DLGAP5: variants seen among roughly 807,000 people sequenced by gnomAD.
The protein encoded by DLGAP5 is disks large-associated protein 5.
Under a neutral mutation model 99.6 loss-of-function variants are expected in DLGAP5, and 90 were observed. The ratio of observed to expected loss-of-function variants is 0.90; its 90% CI spans 0.76 to 1.08. The LOEUF (loss-of-function observed/expected upper bound fraction) is 1.08, where lower values mean the gene tolerates loss of function less well. DLGAP5 is among the 50% of genes least tolerant of loss of function. DLGAP5 has a pLI of 0.00. For missense variants in DLGAP5, 1,036 were observed against 983.5 expected (o/e 1.05, Z -0.71); for synonymous variants, 311 against 321.3 (o/e 0.97, Z 0.34).
chr14:55,187,057 C>T (rs867861881), intron 2 of DLGAP5, among the ~76,000 whole-genome samples: 10 of 151,710 alleles, frequency 6.6e-5, no homozygotes, highest in Admixed American at 2.6e-4. Context: ...TACAGGCACG[C>T]GCCACACCCA....
At chr14:55,164,036 G>A (rs1293266429) in intron 12 of DLGAP5, among the ~76,000 whole-genome samples, 1 of 152,154 alleles carries the variant, frequency 6.6e-6, no homozygotes, top group African/African-American at 2.4e-5. Context: ...TAATAGGATG[G>A]AAATATAATC....
intron 14 of DLGAP5, among the ~76,000 whole-genome samples, chr14:55,157,970 C>T (rs924065417): frequency 2.6e-5 from 4 of 152,204 alleles, no homozygotes; most frequent in Admixed American, 2.6e-4. Flanking sequence ...ACTAAATTGC[C>T]CAGGCTGGTC....
At chr14:55,149,147 TATAAG>T (rs1881924214) in intron 18 of DLGAP5, among the ~76,000 whole-genome samples, 1 of 152,240 alleles carries the variant, frequency 6.6e-6, no homozygotes, top group Non-Finnish European at 1.5e-5. Context: ...AATGAGAACA[TATAAG>T]ATAATTGTGA....
intron 14 of DLGAP5, among the ~76,000 whole-genome samples, 191 bp downstream of exon 14, chr14:55,158,331 C>T (rs1324070085): frequency 6.6e-6 from 1 of 152,162 alleles, no homozygotes; most frequent in Non-Finnish European, 1.5e-5. Flanking sequence ...CTAATCTGAT[C>T]ATACCCATCA....
rs1224642395 is a variant in DLGAP5, at chr14:55,177,194, G to T, written c.917C>A (p.Ser306Tyr). The T allele has an allele frequency of 6.2e-7, 1 of 1,613,560 alleles. No homozygotes were observed. The highest frequency in any genetic ancestry group is 1.3e-5 in the African/African-American group (1 of 74,842). Reference protein sequence around the residue: ...INTAKIKGKNSFAPKDFMFQP... With the variant: ...INTAKIKGKNYFAPKDFMFQP... ...AAACATAAAATCCTTAGGTGCAAAG[G>T]AATTCTTCCCTTTTATTTTTGCAGT... Residue 306 changes from serine (S) to tyrosine (Y), a missense_variant, in exon 8 of 19, where the codon TCC (serine) becomes TAC (tyrosine). By Grantham distance (144) the Ser-to-Tyr change is moderately radical. Coordinates refer to ENST00000247191, the MANE Select transcript of DLGAP5 (RefSeq NM_014750.5).
At chr14:55,190,318 A>T (rs1376105031) in intron 1 of DLGAP5, among the ~76,000 whole-genome samples, 1 of 151,854 alleles carries the variant, frequency 6.6e-6, no homozygotes, top group Non-Finnish European at 1.5e-5. Context: ...ACACACACGC[A>T]CAAAATCATA....
intron 13 of DLGAP5, among the ~76,000 whole-genome samples, chr14:55,162,291 CTATTAT>C (rs1194583006): frequency 6.6e-6 from 1 of 152,098 alleles, no homozygotes; most frequent in East Asian, 1.9e-4. Context: ...ACTACTATTA[CTATTAT>C]AACAAAATGT....
At position 55,177,189 on chromosome 14, in the gene DLGAP5, C is replaced by A; in HGVS notation, c.922G>T (p.Ala308Ser). The A allele has an allele frequency of 6.2e-7, 1 of 1,613,570 alleles. No individual in the cohort carries two copies. Among genetic ancestry groups the A allele is most frequent in the African/African-American group, 1.3e-5 (1 of 74,912 alleles). ...GGCTGAAACATAAAATCCTTAGGTG[C>A]AAAGGAATTCTTCCCTTTTATTTTT... ...TAKIKGKNSF[A>S]PKDFMFQPLD... The change falls in exon 8 of 19, where the codon GCA becomes TCA. Residue 308 changes from alanine to serine, a missense_variant. Transcript: ENST00000247191.
At chr14:55,180,867 A>G (rs1883248871) in intron 5 of DLGAP5, 89 bp from the exon 6 acceptor site, 9 of 1,507,266 alleles carry the variant, frequency 6.0e-6, no homozygotes, top group Non-Finnish European at 8.2e-6. Flanking sequence ...CAATGCCTGT[A>G]GTCCCAGCTA....
rs552820895 is a variant in DLGAP5, at chr14:55,181,411, C to T, written c.496-114G>A. On this transcript the variant is annotated intron_variant, in intron 4 of 18. Transcript: ENST00000247191. ...AATCTGATCATCGTAAATGACCCAA[C>T]AACAACAACAAAAAACTACCCCAAA... 8.3e-5 allele frequency: 61 copies of T among 733,234 alleles called. No homozygotes were observed. The East Asian group carries it at 1.8e-3, about 22-fold the overall frequency. 45.4% of individuals were successfully genotyped at this position (733,234 alleles called of 1,614,324 possible).
rs779897612 is a variant in DLGAP5 at position 55,151,815 on chromosome 14, C to A, written c.2248G>T (p.Glu750Ter). 2 of 1,613,978 alleles carry A rather than the reference C, an allele frequency of 1.2e-6. No individual in the cohort carries two copies. Among genetic ancestry groups the A allele is most frequent in the Non-Finnish European group, 1.7e-6 (2 of 1,179,960 alleles). Residue 750 changes from glutamate to a stop codon, truncating the protein, a stop_gained, in exon 17 of 19, where the codon GAA becomes TAA. Coordinates refer to ENST00000247191, the MANE Select transcript of DLGAP5 (RefSeq NM_014750.5). LOFTEE classifies it high-confidence loss of function. ...NKKEGISDVV[E>*]GMELNSSITS... is the part of the protein sequence containing the mutation. ...ATTGAAGAATTCAGTTCCATTCCTT[C>A]CACAACATCTGAAATTCCTTCTTTT...
intron 10 of DLGAP5, among the ~76,000 whole-genome samples, chr14:55,172,678 A>G (rs1279899123): frequency 1.3e-5 from 2 of 152,192 alleles, no homozygotes; most frequent in South Asian, 2.1e-4. Context: ...ATGACACAAC[A>G]TGACGATTAA....
intron 18 of DLGAP5, 78 bp from the exon 19 acceptor site, chr14:55,148,551 GATTA>G (rs771698373): frequency 1.2e-6 from 2 of 1,608,090 alleles, no homozygotes; most frequent in Non-Finnish European, 1.7e-6. Context: ...TTCTATAGTG[GATTA>G]ATTAATAACA....
chr14:55,148,564 C>A lies in DLGAP5; in HGVS notation c.2419-91G>T, dbSNP rs779264937. On this transcript the variant is annotated intron_variant, in intron 18 of 18. Transcript: ENST00000247191. Reference sequence around the variant, plus strand: ...CATTCTATAGTGGATTAATTAATAACAAAAATAAACCGGGTGCGGTGGTGC... The same window carrying A: ...CATTCTATAGTGGATTAATTAATAAAAAAAATAAACCGGGTGCGGTGGTGC... 8.1e-6 allele frequency: 13 copies of A among 1,597,876 alleles called. No homozygotes were observed. In the African/African-American group the frequency reaches 1.7e-4, roughly 21 times the overall value.
intron 18 of DLGAP5, among the ~76,000 whole-genome samples, chr14:55,149,732 C>T (rs1468420732): frequency 6.6e-6 from 1 of 150,820 alleles, no homozygotes; most frequent in Non-Finnish European, 1.5e-5. Context: ...AATGACAAAT[C>T]CCTAACTCCA....
At chr14:55,189,421 G>C (rs1174537189) in intron 1 of DLGAP5, among the ~76,000 whole-genome samples, 1 of 152,046 alleles carries the variant, frequency 6.6e-6, no homozygotes, top group African/African-American at 2.4e-5. Context: ...GTAAGTGATA[G>C]TCCAGAATAA....
chr14:55,173,413 G>A (rs1269753282), intron 10 of DLGAP5, among the ~76,000 whole-genome samples: 4 of 151,936 alleles, frequency 2.6e-5, no homozygotes, highest in African/African-American at 9.7e-5. Flanking sequence ...GCAACAGAGT[G>A]CAACCATTTC....
intron 4 of DLGAP5, among the ~76,000 whole-genome samples, chr14:55,181,569 G>C (rs1883277971): frequency 1.3e-5 from 2 of 152,090 alleles, no homozygotes; most frequent in East Asian, 3.8e-4. Flanking sequence ...CCTTCTGAAG[G>C]TCCTTAAACA....
chr14:55,163,521 A>G (rs1232492170), intron 12 of DLGAP5, among the ~76,000 whole-genome samples: 1 of 152,250 alleles, frequency 6.6e-6, no homozygotes, highest in East Asian at 1.9e-4. Flanking sequence ...TTATATGGAC[A>G]TAAGTTTTCA....
Sources: gnomAD v4.1 joint callset for allele counts (sites outside exome capture counted in the v4.1 genomes callset) on GRCh38, gnomAD v4.1.1 for gene constraint, MANE v1.5 for transcripts, NCBI Gene and HGNC (gene_info 2026-07-23, HGNC 2026-07-21) for gene names.